BHLHA15: variants seen among roughly 807,000 people sequenced by gnomAD.
BHLHA15 encodes basic helix-loop-helix family member a15.
A neutral mutation model predicts 10.4 loss-of-function variants in BHLHA15; 7 were observed. That is an observed-to-expected ratio of 0.67 (90% CI 0.38 to 1.26). The LOEUF is 1.26. Ranked by LOEUF, BHLHA15 falls within the 50% of genes most tolerant of loss-of-function variation. BHLHA15 has a pLI of 0.02. For missense variants in BHLHA15, 289 were observed against 287.4 expected, an observed-to-expected ratio of 1.01 and a Z score of -0.04; for synonymous variants, 140 against 131.5, an observed-to-expected ratio of 1.06 and a Z score of -0.44.
At chr7:98,211,805 G>C (rs1562928403) in intron 1 of BHLHA15, among the ~76,000 whole-genome samples, 1 of 152,172 alleles carries the variant, frequency 6.6e-6, no homozygotes, top group South Asian at 2.1e-4. Flanking sequence ...GTCCAGCGGG[G>C]CAGGACAGTG....
At chr7:98,212,076 G>T (rs1421575370) in intron 1 of BHLHA15, among the ~76,000 whole-genome samples, 180 bp from the exon 2 acceptor site, 1 of 152,140 alleles carries the variant, frequency 6.6e-6, no homozygotes, top group Non-Finnish European at 1.5e-5. Flanking sequence ...AAGGGCGTGG[G>T]TGTGTGTGGG....
At chr7:98,211,799 A>G (rs1204430524) in intron 1 of BHLHA15, among the ~76,000 whole-genome samples, 1 of 152,090 alleles carries the variant, frequency 6.6e-6, no homozygotes, top group African/African-American at 2.4e-5. Context: ...TGTCACGTCC[A>G]GCGGGGCAGG....
rs540050819 is a variant in BHLHA15, at chr7:98,212,279, C to T, written c.-31C>T. On this transcript the variant is annotated 5_prime_UTR_variant, in exon 2 of 2. Coordinates refer to ENST00000609256, the MANE Select transcript of BHLHA15 (RefSeq NM_177455.4). ...AGCTCCAAGGGCCTCACCTTCCTGC[C>T]GCCACCTCCTAGGACAGCCAGTCCA... 29 of 1,323,270 alleles carry T rather than the reference C, an allele frequency of 2.2e-5. No individual in the cohort carries two copies. Among genetic ancestry groups the T allele is most frequent in the East Asian group, 1.2e-4 (4 of 32,254 alleles). 82.0% of individuals were successfully genotyped at this position (1,323,270 alleles called of 1,614,324 possible). A position where few individuals can be genotyped will look rare whatever the true frequency, so the allele number is the denominator to read the frequency against.
At position 98,212,889 on chromosome 7, in the gene BHLHA15, C is replaced by A; in HGVS notation, c.*10C>A. On this transcript the variant is annotated 3_prime_UTR_variant, in exon 2 of 2. Transcript: ENST00000609256. ...CCGAGAGGGCACCTAGCGCCCAGTC[C>A]TGGGTGGGGGTGGCGGTGGCCGCAG... 6.6e-7 allele frequency: 1 copy of A among 1,520,178 alleles called. No homozygotes were observed. Among genetic ancestry groups the A allele is most frequent in the Non-Finnish European group, 8.8e-7 (1 of 1,140,558 alleles). The allele number at this position is 1,520,178 out of a possible 1,614,324, so 94.2% of individuals were successfully genotyped here. A position where few individuals can be genotyped will look rare whatever the true frequency, so the allele number is the denominator to read the frequency against.
In BHLHA15 at chr7:98,212,848, C is replaced by A. The variant is rs980737946; in HGVS notation, c.539C>A (p.Thr180Lys). The A allele has an allele frequency of 6.5e-7, 1 of 1,548,118 alleles. No individual in the cohort carries two copies. The highest frequency in any genetic ancestry group is 8.7e-7 in the Non-Finnish European group (1 of 1,151,052). ...QPQGHLQRYSTQIHSFREGT is the reference protein window; with the variant it reads ...QPQGHLQRYSKQIHSFREGT ...CAGGGCCACCTGCAGAGGTACTCCA[C>A]GCAGATCCACAGCTTCCGAGAGGGC... Residue 180 changes from threonine to lysine, a missense_variant, in exon 2 of 2, where the codon ACG becomes AAG. Transcript: ENST00000609256.
In BHLHA15 at chr7:98,214,269, TA is replaced by T. The variant is rs1425831147; in HGVS notation, c.*1392del. Among the ~76,000 whole-genome samples, 2 of 152,234 alleles carry T rather than the reference TA, an allele frequency of 1.3e-5. No individual in the cohort carries two copies. The highest frequency in any genetic ancestry group is 4.8e-5 in the African/African-American group (2 of 41,462). On this transcript the variant is annotated 3_prime_UTR_variant, in exon 2 of 2. Coordinates refer to ENST00000609256, the MANE Select transcript of BHLHA15 (RefSeq NM_177455.4). ...GATCTGGCATTGGCAGCTTCAGGCC[TA>T]ACTTTCCTGGTCAGGGCCCCTTAAG...
chr7:98,214,391 G>A lies in BHLHA15; in HGVS notation c.*1512G>A, dbSNP rs1042928402. Among the ~76,000 whole-genome samples the A allele has an allele frequency of 2.0e-5, 3 of 152,170 alleles. No homozygotes were observed. Among genetic ancestry groups the A allele is most frequent in the South Asian group, 2.1e-4 (1 of 4,834 alleles). On this transcript the variant is annotated 3_prime_UTR_variant, in exon 2 of 2. Coordinates refer to ENST00000609256, the MANE Select transcript of BHLHA15 (RefSeq NM_177455.4). ...CCCCAGCTGTCCTTCAGCACAGCTC[G>A]GGGTGGGGACTCCAGGATGCTGGGT...
Position 98,213,747 on chromosome 7 carries a change from C to T in BHLHA15, c.*868C>T, listed in dbSNP as rs1797942951. On this transcript the variant is annotated 3_prime_UTR_variant, in exon 2 of 2. Transcript: ENST00000609256. ...GCCTGTGTGGGGAGCGAGTGTGCCC[C>T]CCACCCAGCCCCTGCCACCGCCGTT... Among the ~76,000 whole-genome samples, 1 of 152,188 alleles carries T rather than the reference C, an allele frequency of 6.6e-6. No individual in the cohort carries two copies. Among genetic ancestry groups the T allele is most frequent in the African/African-American group, 2.4e-5 (1 of 41,450 alleles).
rs961701907 is a variant in BHLHA15, at chr7:98,211,693, C to T, written c.-55+195C>T. On this transcript the variant is annotated intron_variant, in intron 1 of 1. Transcript: ENST00000609256. ...CCGCCAGGCCCTGGCCATTGCCGACCTCTGACCTCCACGGCTGCCCCATGT... is the reference window on the plus strand; with the variant it reads ...CCGCCAGGCCCTGGCCATTGCCGACTTCTGACCTCCACGGCTGCCCCATGT... 3.3e-5 allele frequency among the ~76,000 whole-genome samples: 5 copies of T among 152,180 alleles called. No individual in the cohort carries two copies. The East Asian group carries it at 7.8e-4, about 24-fold the overall frequency.
chr7:98,212,651 C>G lies in BHLHA15; in HGVS notation c.342C>G (p.Ile114Met), dbSNP rs772903021. The change falls in exon 2 of 2, where the codon ATC becomes ATG. Residue 114 changes from isoleucine (I) to methionine (M), a missense_variant. Physicochemically the swap from Ile to Met is conservative, Grantham distance 10 (BLOSUM62 1). Coordinates refer to ENST00000609256, the MANE Select transcript of BHLHA15 (RefSeq NM_177455.4). ...HVRADKKLSK[I>M]ETLTLAKNYI... ...GCGCGGACAAGAAGCTCTCCAAGATCGAGACGCTCACGCTGGCCAAGAACT... is the reference window on the plus strand; with the variant it reads ...GCGCGGACAAGAAGCTCTCCAAGATGGAGACGCTCACGCTGGCCAAGAACT... The G allele has an allele frequency of 3.8e-6, 6 of 1,599,106 alleles. No individual in the cohort carries two copies. The highest frequency in any genetic ancestry group is 4.5e-5 in the East Asian group (2 of 44,374).
rs1584311205 is a variant in BHLHA15 at position 98,212,417 on chromosome 7, G to A, written c.108G>A (p.Glu36=). ...GGTCCCTGCCGAACCCGGGGCCAGA[G>A]CCGGCCAAGGGTCTGCGGAGCCGGC... ...PDGSLPNPGP[E]PAKGLRSRPA... The change falls in exon 2 of 2, where the codon GAG becomes GAA. Residue 36 remains glutamate (E), a synonymous_variant. Coordinates refer to ENST00000609256, the MANE Select transcript of BHLHA15 (RefSeq NM_177455.4). 7 of 1,491,874 alleles carry A rather than the reference G, an allele frequency of 4.7e-6. No individual in the cohort carries two copies. In the East Asian group the frequency reaches 1.7e-4, roughly 35 times the overall value. 92.4% of individuals were successfully genotyped at this position (1,491,874 alleles called of 1,614,324 possible).
At position 98,212,931 on chromosome 7, in the gene BHLHA15, T is replaced by G. The variant is rs1368609641; in HGVS notation, c.*52T>G. On this transcript the variant is annotated 3_prime_UTR_variant, in exon 2 of 2. Transcript: ENST00000609256. The stretch of plus-strand genomic sequence containing the variant: ...TGGCCGCAGCTGCCTGGCCTGCTCC[T>G]CCCAGCCCCAGTCCCTCCAAGCCAC... The G allele has an allele frequency of 1.4e-6, 2 of 1,472,668 alleles. No homozygotes were observed. Among genetic ancestry groups the G allele is most frequent in the Non-Finnish European group, 1.8e-6 (2 of 1,112,312 alleles). The allele number at this position is 1,472,668 out of a possible 1,614,324, so 91.2% of individuals were successfully genotyped here.
intron 1 of BHLHA15, among the ~76,000 whole-genome samples, 172 bp downstream of exon 1, chr7:98,211,670 G>A (rs1172869650): frequency 1.3e-5 from 2 of 152,136 alleles, no homozygotes; most frequent in African/African-American, 4.8e-5. Flanking sequence ...GGGGGCTGCC[G>A]CCAGGCCCTG....
chr7:98,212,298 C>A lies in BHLHA15; in HGVS notation c.-12C>A. The A allele has an allele frequency of 7.5e-7, 1 of 1,341,274 alleles. No homozygotes were observed. Among genetic ancestry groups the A allele is most frequent in the South Asian group, 2.2e-5 (1 of 46,226 alleles). 83.1% of individuals were successfully genotyped at this position (1,341,274 alleles called of 1,614,324 possible). A position where few individuals can be genotyped will look rare whatever the true frequency, so the allele number is the denominator to read the frequency against. On this transcript the variant is annotated 5_prime_UTR_variant, in exon 2 of 2. Coordinates refer to ENST00000609256, the MANE Select transcript of BHLHA15 (RefSeq NM_177455.4). ...TCCTGCCGCCACCTCCTAGGACAGC[C>A]AGTCCAGGGCCATGAAGACCAAGAA...
rs2116510178 is a variant in BHLHA15 at position 98,215,451 on chromosome 7, T to C, written c.*2572T>C. 1 of 152,384 alleles carries C rather than the reference T, an allele frequency of 6.6e-6. No homozygotes were observed. Among genetic ancestry groups the C allele is most frequent in the South Asian group, 2.1e-4 (1 of 4,830 alleles). The allele number at this position is 152,384 out of a possible 1,614,324, so 9.4% of individuals were successfully genotyped here. On this transcript the variant is annotated 3_prime_UTR_variant, in exon 2 of 2. Coordinates refer to ENST00000609256, the MANE Select transcript of BHLHA15 (RefSeq NM_177455.4). Reference sequence around the variant, plus strand: ...AAAAGATTTCACAGCAATGTCTGCTTCAGGCACACGGGGAACCACGCGTTT... The same window carrying C: ...AAAAGATTTCACAGCAATGTCTGCTCCAGGCACACGGGGAACCACGCGTTT...
rs1483359312 is a variant in BHLHA15 at position 98,212,499 on chromosome 7, T to A, written c.190T>A (p.Ser64Thr). 1 of 1,567,032 alleles carries A rather than the reference T, an allele frequency of 6.4e-7. No homozygotes were observed. The highest frequency in any genetic ancestry group is 8.6e-7 in the Non-Finnish European group (1 of 1,158,730). ...GGGCAGGCGCAGGCGGCCAGGACCCTCCGGGCCCGGTGGCCGTCGTGACAG... is the reference window on the plus strand; with the variant it reads ...GGGCAGGCGCAGGCGGCCAGGACCCACCGGGCCCGGTGGCCGTCGTGACAG... ...GEGRRRRPGP[S>T]GPGGRRDSSI... Residue 64 changes from serine to threonine, a missense_variant, in exon 2 of 2, where the codon TCC (serine) becomes ACC (threonine). Transcript: ENST00000609256.
Position 98,212,405 on chromosome 7 carries a change from C to A in BHLHA15, c.96C>A (p.Asn32Lys). ...GGACGCCCGACGGGTCCCTGCCGAACCCGGGGCCAGAGCCGGCCAAGGGTC... is the reference window on the plus strand; with the variant it reads ...GGACGCCCGACGGGTCCCTGCCGAAACCGGGGCCAGAGCCGGCCAAGGGTC... ...GEGTPDGSLP[N>K]PGPEPAKGLR... The change falls in exon 2 of 2, where the codon AAC becomes AAA. Residue 32 changes from asparagine (N) to lysine (K), a missense_variant. Coordinates refer to ENST00000609256, the MANE Select transcript of BHLHA15 (RefSeq NM_177455.4). The A allele has an allele frequency of 6.7e-7, 1 of 1,486,740 alleles. No homozygotes were observed. The highest frequency in any genetic ancestry group is 2.0e-4 in the Middle Eastern group (1 of 5,068). The allele number at this position is 1,486,740 out of a possible 1,614,324, so 92.1% of individuals were successfully genotyped here. A position where few individuals can be genotyped will look rare whatever the true frequency, so the allele number is the denominator to read the frequency against.
rs772903021 is a variant in BHLHA15, at chr7:98,212,651, C to T, written c.342C>T (p.Ile114=). 9 of 1,598,988 alleles carry T rather than the reference C, an allele frequency of 5.6e-6. No individual in the cohort carries two copies. The highest frequency in any genetic ancestry group is 2.7e-5 in the African/African-American group (2 of 74,846). Residue 114 remains isoleucine (I), a synonymous_variant, in exon 2 of 2, where the codon ATC becomes ATT. Transcript: ENST00000609256. ...HVRADKKLSK[I]ETLTLAKNYI... ...GCGCGGACAAGAAGCTCTCCAAGATCGAGACGCTCACGCTGGCCAAGAACT... is the reference window on the plus strand; with the variant it reads ...GCGCGGACAAGAAGCTCTCCAAGATTGAGACGCTCACGCTGGCCAAGAACT...
chr7:98,212,151 TG>T, intron 1 of BHLHA15, 104 bp from the exon 2 acceptor site: 1 of 610,380 alleles, frequency 1.6e-6, no homozygotes, highest in Non-Finnish European at 2.5e-6. Flanking sequence ...CCCCTGCCCC[TG>T]GTACCATTGC....
Sources: allele counts gnomAD v4.1 joint callset (sites outside exome capture counted in the v4.1 genomes callset), GRCh38; gene constraint gnomAD v4.1.1; transcripts MANE v1.5; gene names NCBI Gene and HGNC (gene_info 2026-07-23, HGNC 2026-07-21).